The following LAMA4 variants were observed in gnomAD, a reference collection of about 807,000 sequenced individuals.
The protein encoded by LAMA4 is laminin subunit alpha 4.
A neutral mutation model predicts 207.1 loss-of-function variants in LAMA4; 127 were observed. That is an observed-to-expected ratio of 0.61 (90% CI 0.53 to 0.71). The LOEUF (loss-of-function observed/expected upper bound fraction) is 0.71, where lower values mean the gene tolerates loss of function less well. Among genes scored for constraint, LAMA4 ranks in the 30% least tolerant of loss-of-function variants. The pLI, the probability that LAMA4 is intolerant of heterozygous loss-of-function variation, is 0.00. For missense variants in LAMA4, 2,093 were observed against 2,246.5 expected (o/e 0.93, Z 1.38); for synonymous variants, 761 against 816.0 (o/e 0.93, Z 1.15).
At chr6:112,137,210 G>C (rs985371436) in intron 24 of LAMA4, among the ~76,000 whole-genome samples, 2 of 152,130 alleles carry the variant, frequency 1.3e-5, no homozygotes, top group South Asian at 4.1e-4. Flanking sequence ...ATAGATACAA[G>C]AAGTCAATGG....
rs1188045214 is a variant in LAMA4, at chr6:112,190,939, C to CT, written c.718+696dup. Among the ~76,000 whole-genome samples, 242 of 46,012 alleles carry CT rather than the reference C, an allele frequency of 5.3e-3. 2 individuals carry two copies. The highest frequency in any genetic ancestry group is 6.9e-3 in the African/African-American group (68 of 9,810). 30.2% of individuals were successfully genotyped at this position (46,012 alleles called of 152,430 possible). ...TCTTTCTTTCTTTCTTTCTTTCTTT[C>CT]TTTCTTTCCTTTCTTTCTTTCTTTC... On this transcript the variant is annotated intron_variant, in intron 6 of 38. Transcript: ENST00000230538.
chr6:112,201,466 G>T lies in LAMA4; in HGVS notation c.503+142C>A. 3.8e-6 allele frequency: 3 copies of T among 794,288 alleles called. No homozygotes were observed. In the Admixed American group the frequency reaches 5.3e-5, roughly 14 times the overall value. The allele number at this position is 794,288 out of a possible 1,614,324, so 49.2% of individuals were successfully genotyped here. On this transcript the variant is annotated intron_variant, in intron 5 of 38. Transcript: ENST00000230538. Reference sequence around the variant, plus strand: ...TGGGATTTAGGAAAACTTCCCTAAGGGGTTTTGAAATGCAGTCCCTCAACC... The same window carrying T: ...TGGGATTTAGGAAAACTTCCCTAAGTGGTTTTGAAATGCAGTCCCTCAACC...
At chr6:112,222,424 C>T (rs1239503383) in intron 2 of LAMA4, among the ~76,000 whole-genome samples, 2 of 152,142 alleles carry the variant, frequency 1.3e-5, no homozygotes, top group African/African-American at 4.8e-5. Context: ...AGAGAGTTAC[C>T]TTTGTGCTTA....
At chr6:112,245,941 T>C (rs991378716) in intron 2 of LAMA4, among the ~76,000 whole-genome samples, 1 of 152,240 alleles carries the variant, frequency 6.6e-6, no homozygotes. Context: ...GGGCTGAATA[T>C]GGAAATTTTC....
chr6:112,190,662 G>A (rs189491629), intron 6 of LAMA4, among the ~76,000 whole-genome samples: 12 of 152,316 alleles, frequency 7.9e-5, no homozygotes, highest in Admixed American at 2.0e-4. Flanking sequence ...GTGCGTTTCA[G>A]TCTAACTGAA....
chr6:112,229,885 A>G (rs999909101), intron 2 of LAMA4, among the ~76,000 whole-genome samples: 6 of 152,360 alleles, frequency 3.9e-5, no homozygotes, highest in Admixed American at 3.3e-4. Flanking sequence ...ATCCATGTCA[A>G]CTAGTCAATT....
chr6:112,143,239 C>T (rs533329321), intron 19 of LAMA4, among the ~76,000 whole-genome samples: 4 of 151,142 alleles, frequency 2.6e-5, no homozygotes, highest in South Asian at 2.1e-4. Context: ...TTCCAAATGA[C>T]TGGAGTGCAG....
rs199870163 is a variant in LAMA4 at position 112,253,975 on chromosome 6, C to A, written c.176G>T (p.Arg59Leu). Residue 59 changes from arginine to leucine, a missense_variant, in exon 2 of 39, where the codon CGC becomes CTC. Coordinates refer to ENST00000230538, the MANE Select transcript of LAMA4 (RefSeq NM_001105206.3). ...CTGTACCTCGGCCGCAGGCGGCAGGCGTCCCAGAGCCACGCGGGGTTCGCT... is the reference window on the plus strand; with the variant it reads ...CTGTACCTCGGCCGCAGGCGGCAGGAGTCCCAGAGCCACGCGGGGTTCGCT... Reference protein sequence around the residue: ...ETSEPRVALGRLPPAAEKCNA... With the variant: ...ETSEPRVALGLLPPAAEKCNA... 5.0e-6 allele frequency: 8 copies of A among 1,588,274 alleles called. No individual in the cohort carries two copies. Among genetic ancestry groups the A allele is most frequent in the African/African-American group, 1.3e-5 (1 of 74,452 alleles).
rs1446901775 is a variant in LAMA4 at position 112,254,119 on chromosome 6, A to C, written c.32T>G (p.Leu11Arg). The C allele has an allele frequency of 6.2e-7, 1 of 1,612,894 alleles. No homozygotes were observed. The highest frequency in any genetic ancestry group is 1.3e-5 in the African/African-American group (1 of 74,944). Reference sequence around the variant, plus strand: ...AGCGCTCCAGAGGAGCCACAGAGGCAGAACCGAGCGCCAGGCTGAGCTCAA... The same window carrying C: ...AGCGCTCCAGAGGAGCCACAGAGGCCGAACCGAGCGCCAGGCTGAGCTCAA... MALSSAWRSV[L>R]PLWLLWSAAC... The change falls in exon 2 of 39, where the codon CTG (leucine) becomes CGG (arginine). Residue 11 changes from leucine (L) to arginine (R), a missense_variant. Transcript: ENST00000230538.
At chr6:112,185,412 ACT>A in intron 8 of LAMA4, 65 bp from the exon 9 acceptor site, 2 of 943,436 alleles carry the variant, frequency 2.1e-6, no homozygotes, top group Non-Finnish European at 3.5e-6. Flanking sequence ...TGTACATAAA[ACT>A]CTTTCAGTGT....
intron 36 of LAMA4, among the ~76,000 whole-genome samples, chr6:112,115,541 TTTG>T (rs1444451492): frequency 6.6e-6 from 1 of 152,112 alleles, no homozygotes; most frequent in Non-Finnish European, 1.5e-5. Context: ...TGTTTTAGTG[TTTG>T]TTGATTTTGA....
intron 9 of LAMA4, 105 bp from the exon 10 acceptor site, chr6:112,178,337 T>A: frequency 2.5e-6 from 2 of 797,078 alleles, no homozygotes; most frequent in Non-Finnish European, 4.3e-6. Flanking sequence ...AACGTAAATC[T>A]TCCTGGCATG....
rs113089643 is a variant in LAMA4 at position 112,120,132 on chromosome 6, T to G, written c.4665+151A>C. ...TAAATAGTATGCTTCAAGACTTTTATAAGGAATACAATTTTTTGAAATTGA... is the reference window on the plus strand; with the variant it reads ...TAAATAGTATGCTTCAAGACTTTTAGAAGGAATACAATTTTTTGAAATTGA... On this transcript the variant is annotated intron_variant, in intron 33 of 38. Transcript: ENST00000230538. 298 of 648,934 alleles carry G rather than the reference T, an allele frequency of 4.6e-4. No individual in the cohort carries two copies. The African/African-American group carries it at 5.0e-3, about 11-fold the overall frequency. The allele number at this position is 648,934 out of a possible 1,614,324, so 40.2% of individuals were successfully genotyped here. A position where few individuals can be genotyped will look rare whatever the true frequency, so the allele number is the denominator to read the frequency against.
chr6:112,140,638 C>T (rs1583693138), intron 22 of LAMA4, 122 bp downstream of exon 22: 5 of 851,986 alleles, frequency 5.9e-6, no homozygotes, highest in East Asian at 5.3e-5. Context: ...CAGAATTCTA[C>T]TCCCCCATGA....
intron 7 of LAMA4, among the ~76,000 whole-genome samples, chr6:112,187,855 A>G (rs932187074): frequency 6.6e-6 from 1 of 151,928 alleles, no homozygotes; most frequent in Admixed American, 6.6e-5. Context: ...CCTTCTCCCC[A>G]CCCCAGGGAG....
At position 112,206,811 on chromosome 6, in the gene LAMA4, C is replaced by G. The variant is rs73542549; in HGVS notation, c.422+210G>C. ...GATGCACCCCAATATTTCGGGAACA[C>G]AGTCATCATCTATATTGTAAGTGCT... On this transcript the variant is annotated intron_variant, in intron 4 of 38. Coordinates refer to ENST00000230538, the MANE Select transcript of LAMA4 (RefSeq NM_001105206.3). 0.055 allele frequency among the ~76,000 whole-genome samples: 8,351 copies of G among 152,246 alleles called. 727 individuals carry two copies. Among genetic ancestry groups the G allele is most frequent in the African/African-American group, 0.19 (7,807 of 41,506 alleles).
At chr6:112,138,177 A>C (rs1178561839) in intron 24 of LAMA4, among the ~76,000 whole-genome samples, 4 of 152,214 alleles carry the variant, frequency 2.6e-5, no homozygotes, top group Non-Finnish European at 4.4e-5. Context: ...CTTTTATTAA[A>C]GTTTACAAAA....
At chr6:112,241,170 T>TGAATATATAG (rs782469534) in intron 2 of LAMA4, among the ~76,000 whole-genome samples, 7 of 76,104 alleles carry the variant, frequency 9.2e-5, no homozygotes, top group East Asian at 2.7e-4. Flanking sequence ...TGAATATATA[T>TGAATATATAG]GAATATATAT....
At chr6:112,178,710 C>A in intron 9 of LAMA4, 1 of 170,316 alleles carries the variant, frequency 5.9e-6, no homozygotes, top group Non-Finnish European at 1.3e-5. Flanking sequence ...CACTTGATGG[C>A]CAGTTTTAGA....
Sources: allele counts gnomAD v4.1 joint callset (sites outside exome capture counted in the v4.1 genomes callset), GRCh38; gene constraint gnomAD v4.1.1; transcripts MANE v1.5; gene names NCBI Gene and HGNC (gene_info 2026-07-23, HGNC 2026-07-21).